USP15: variants seen among roughly 807,000 people sequenced by gnomAD.
The protein encoded by USP15 is ubiquitin carboxyl-terminal hydrolase 15.
In USP15, 18 loss-of-function variants were observed where a neutral mutation model predicts 127.1. That is an observed-to-expected ratio of 0.14 (90% CI 0.10 to 0.21). The LOEUF is 0.21. USP15 is among the 10% of genes least tolerant of loss of function. The pLI, the probability that USP15 is intolerant of heterozygous loss-of-function variation, is 1.00. For synonymous variants in USP15, 364 were observed against 393.7 expected (o/e 0.92, Z 0.89); for missense variants, 805 against 1,159.9 (o/e 0.69, Z 4.44).
intron 1 of USP15, among the ~76,000 whole-genome samples, chr12:62,261,403 G>C (rs1005691413): frequency 2.0e-5 from 3 of 151,976 alleles, no homozygotes; most frequent in Non-Finnish European, 4.4e-5. Context: ...CTTATTTTTT[G>C]GGAAGCATAA....
intron 6 of USP15, among the ~76,000 whole-genome samples, chr12:62,340,210 T>A (rs2137376004): frequency 6.6e-6 from 1 of 152,326 alleles, no homozygotes; most frequent in African/African-American, 2.4e-5. Flanking sequence ...TAGTTTTTAT[T>A]TCTGTGGGAT....
intron 6 of USP15, among the ~76,000 whole-genome samples, chr12:62,338,126 ATCT>A (rs768046242): frequency 6.6e-6 from 1 of 152,182 alleles, no homozygotes. Flanking sequence ...GTTTCTCCAC[ATCT>A]TCTCCAGCAT....
At chr12:62,288,730 G>A (rs1396770047) in intron 1 of USP15, among the ~76,000 whole-genome samples, 2 of 152,066 alleles carry the variant, frequency 1.3e-5, no homozygotes, top group African/African-American at 4.8e-5. Context: ...TTGTAGTTTC[G>A]TTGTTTGTGA....
chr12:62,273,505 T>C (rs1182909086), intron 1 of USP15, among the ~76,000 whole-genome samples: 2 of 152,082 alleles, frequency 1.3e-5, no homozygotes, highest in Non-Finnish European at 2.9e-5. Flanking sequence ...TAAGACTTCA[T>C]AGCAAGTAGT....
chr12:62,298,098 C>G (rs547592994), intron 2 of USP15, among the ~76,000 whole-genome samples: 1 of 152,204 alleles, frequency 6.6e-6, no homozygotes, highest in African/African-American at 2.4e-5. Flanking sequence ...ATTATCTAAT[C>G]AGAGGATTAA....
At chr12:62,316,100 C>T (rs750088726) in intron 4 of USP15, among the ~76,000 whole-genome samples, 2 of 152,062 alleles carry the variant, frequency 1.3e-5, no homozygotes, top group Non-Finnish European at 2.9e-5. Context: ...GCCTGGCCAA[C>T]ATGGTGAAAC....
chr12:62,346,270 T>C (rs987504878), intron 6 of USP15, among the ~76,000 whole-genome samples: 1 of 152,218 alleles, frequency 6.6e-6, no homozygotes, highest in African/African-American at 2.4e-5. Context: ...TTTTTTATTT[T>C]TTTCAATGTG....
intron 3 of USP15, among the ~76,000 whole-genome samples, chr12:62,314,549 C>T (rs2064777152): frequency 6.6e-6 from 1 of 151,850 alleles, no homozygotes. Context: ...TCCAAACTGT[C>T]ACTTAATGTT....
At chr12:62,277,489 AT>A (rs979933921) in intron 1 of USP15, 1 of 152,056 alleles carries the variant, frequency 6.6e-6, no homozygotes, top group Admixed American at 6.6e-5. Context: ...CATATAAAAG[AT>A]TTTTTTAAAT....
At chr12:62,358,718 AAAAT>A (rs1301152654) in intron 8 of USP15, among the ~76,000 whole-genome samples, 2 of 152,220 alleles carry the variant, frequency 1.3e-5, no homozygotes, top group Admixed American at 6.5e-5. Flanking sequence ...CTCCATCTCA[AAAAT>A]AAATAAATAA....
At chr12:62,389,247 G>A (rs2067249127) in intron 11 of USP15, among the ~76,000 whole-genome samples, 184 bp from the exon 12 acceptor site, 1 of 152,192 alleles carries the variant, frequency 6.6e-6, no homozygotes, top group African/African-American at 2.4e-5. Context: ...GCCAAGGAAT[G>A]ATAAAACTAG....
chr12:62,272,235 C>T (rs181701115), intron 1 of USP15, among the ~76,000 whole-genome samples: 122 of 152,010 alleles, frequency 8.0e-4, no homozygotes, highest in Non-Finnish European at 1.4e-3. Context: ...TGCCATTCTG[C>T]ACAAGATGAT....
At chr12:62,384,330 T>TTG (rs2067078699) in intron 11 of USP15, 28 bp downstream of exon 11, 3 of 193,672 alleles carry the variant, frequency 1.5e-5, no homozygotes, top group South Asian at 1.0e-4. Flanking sequence ...TTGTTTTGTT[T>TTG]TTTTTTTTTT....
intron 6 of USP15, chr12:62,336,364 T>C: frequency 1.0e-6 from 1 of 985,446 alleles, no homozygotes; most frequent in Non-Finnish European, 1.2e-6. Context: ...CTTCATTTCC[T>C]GTATTGCCTA....
intron 11 of USP15, among the ~76,000 whole-genome samples, chr12:62,387,920 C>T (rs1173630996): frequency 1.3e-5 from 2 of 152,116 alleles, no homozygotes; most frequent in East Asian, 3.9e-4. Flanking sequence ...CTAAGGTTAG[C>T]TTTGAATAAG....
At position 62,391,389 on chromosome 12, in the gene USP15, C is replaced by T; in HGVS notation, c.2193C>T (p.Thr731=). Residue 731 remains threonine, a synonymous_variant, in exon 16 of 22, where the codon ACC becomes ACT. Coordinates refer to ENST00000280377, the MANE Select transcript of USP15 (RefSeq NM_001252078.2). Reference sequence around the variant, plus strand: ...ATATCAACTACATCAAAGATGATACCAGGCATATAAGATTTGATGATAGGC... The same window carrying T: ...ATATCAACTACATCAAAGATGATACTAGGCATATAAGATTTGATGATAGGC... ...NTDINYIKDD[T]RHIRFDDRQL... 6.2e-7 allele frequency: 1 copy of T among 1,612,054 alleles called. No homozygotes were observed. Among genetic ancestry groups the T allele is most frequent in the Non-Finnish European group, 8.5e-7 (1 of 1,179,178 alleles).
At chr12:62,281,179 A>G (rs1322260571) in intron 1 of USP15, among the ~76,000 whole-genome samples, 2 of 152,208 alleles carry the variant, frequency 1.3e-5, no homozygotes, top group African/African-American at 4.8e-5. Flanking sequence ...ACAGATCTAT[A>G]TAAATGTATT....
intron 3 of USP15, among the ~76,000 whole-genome samples, chr12:62,308,403 G>A (rs2064551323): frequency 6.6e-6 from 1 of 152,024 alleles, no homozygotes; most frequent in Admixed American, 6.6e-5. Context: ...GTTGGTCTAT[G>A]CAGTCAGTAG....
intron 2 of USP15, among the ~76,000 whole-genome samples, chr12:62,296,029 G>T (rs1380044861): frequency 6.6e-6 from 1 of 152,216 alleles, no homozygotes; most frequent in Non-Finnish European, 1.5e-5. Flanking sequence ...ATTCAGAGAT[G>T]CATGAAAGAG....
Sources: allele counts gnomAD v4.1 joint callset (sites outside exome capture counted in the v4.1 genomes callset), GRCh38; gene constraint gnomAD v4.1.1; transcripts MANE v1.5; gene names NCBI Gene and HGNC (gene_info 2026-07-23, HGNC 2026-07-21).